GCH1: variants seen among roughly 807,000 people sequenced by gnomAD.
The protein encoded by GCH1 is GTP cyclohydrolase I.
Under a neutral mutation model 25.9 loss-of-function variants are expected in GCH1, and 5 were observed. The observed-to-expected ratio is 0.19, with a 90% confidence interval of 0.10 to 0.41. The LOEUF is 0.41. Ranked by LOEUF, GCH1 falls within the 10% of genes least tolerant of loss-of-function variation. The pLI is 1.00. For synonymous variants in GCH1, 159 were observed against 129.6 expected (o/e 1.23, Z -1.54); for missense variants, 261 against 336.5 (o/e 0.78, Z 1.75).
chr14:54,851,025 C>G (rs1353396046), intron 3 of GCH1, among the ~76,000 whole-genome samples: 1 of 152,106 alleles, frequency 6.6e-6, no homozygotes, highest in East Asian at 1.9e-4. Context: ...GGTGCTGGTA[C>G]CAAAACAGAG....
At chr14:54,888,661 C>T (rs2040384757) in intron 1 of GCH1, among the ~76,000 whole-genome samples, 1 of 150,466 alleles carries the variant, frequency 6.6e-6, no homozygotes, top group Non-Finnish European at 1.5e-5. Context: ...TACAGGCGCC[C>T]ACAACCACGC....
intron 1 of GCH1, among the ~76,000 whole-genome samples, chr14:54,887,065 C>G (rs1227430198): frequency 6.6e-6 from 1 of 152,194 alleles, no homozygotes; most frequent in Non-Finnish European, 1.5e-5. Context: ...ATTTATTTGG[C>G]TTATTTGAGG....
intron 1 of GCH1, among the ~76,000 whole-genome samples, chr14:54,896,060 G>A (rs1308923704): frequency 6.6e-6 from 1 of 152,064 alleles, no homozygotes; most frequent in African/African-American, 2.4e-5. Flanking sequence ...GGCACTGGGA[G>A]GAAAAATGGA....
intron 1 of GCH1, among the ~76,000 whole-genome samples, chr14:54,868,050 C>T (rs1474291822): frequency 6.6e-6 from 1 of 152,044 alleles, no homozygotes; most frequent in African/African-American, 2.4e-5. Flanking sequence ...GGTATTCTTC[C>T]CAAAAATCCA....
intron 3 of GCH1, among the ~76,000 whole-genome samples, chr14:54,848,060 G>A (rs1300035909): frequency 6.6e-6 from 1 of 151,580 alleles, no homozygotes; most frequent in Non-Finnish European, 1.5e-5. Context: ...TAAGCACTTA[G>A]TAAGATTAAC....
intron 1 of GCH1, among the ~76,000 whole-genome samples, chr14:54,875,806 T>C (rs375988180): frequency 1.3e-4 from 20 of 152,158 alleles, no homozygotes; most frequent in African/African-American, 4.8e-4. Context: ...GATACCATCT[T>C]ACACCAGTTA....
intron 1 of GCH1, among the ~76,000 whole-genome samples, chr14:54,867,550 T>G (rs1046538481): frequency 1.5e-5 from 2 of 135,762 alleles, no homozygotes; most frequent in African/African-American, 2.9e-5. Context: ...ATCATGTCAC[T>G]GTACTCTAGC....
At position 54,842,721 on chromosome 14, in the gene GCH1, C is replaced by A; in HGVS notation, c.*1296G>T. The A allele has an allele frequency of 3.2e-6, 1 of 317,158 alleles. No individual in the cohort carries two copies. The highest frequency in any genetic ancestry group is 5.7e-6 in the Non-Finnish European group (1 of 175,496). The allele number at this position is 317,158 out of a possible 1,614,324, so 19.6% of individuals were successfully genotyped here. A position where few individuals can be genotyped will look rare whatever the true frequency, so the allele number is the denominator to read the frequency against. On this transcript the variant is annotated 3_prime_UTR_variant, in exon 6 of 6. Transcript: ENST00000491895. ...ACTATGTCAACCAAATACTAAACTT[C>A]ATGGAATAACTGTGTTTGTGTTTCT... is the stretch of plus-strand genomic sequence containing the variant.
At chr14:54,896,282 A>G (rs1016104395) in intron 1 of GCH1, among the ~76,000 whole-genome samples, 4 of 152,140 alleles carry the variant, frequency 2.6e-5, no homozygotes, top group Admixed American at 1.3e-4. Flanking sequence ...CTAAAGAAAT[A>G]AAAGGGATTG....
At chr14:54,875,891 T>C (rs972130553) in intron 1 of GCH1, among the ~76,000 whole-genome samples, 2 of 152,230 alleles carry the variant, frequency 1.3e-5, no homozygotes, top group African/African-American at 4.8e-5. Context: ...ACTTTTACAC[T>C]GTTAGTGGGA....
intron 2 of GCH1, among the ~76,000 whole-genome samples, chr14:54,864,280 G>T (rs2039960879): frequency 6.6e-6 from 1 of 152,174 alleles, no homozygotes; most frequent in African/African-American, 2.4e-5. Context: ...AGACAAAAAT[G>T]AAGCAAATGT....
At chr14:54,861,045 T>C (rs556550363) in intron 2 of GCH1, among the ~76,000 whole-genome samples, 30 of 152,336 alleles carry the variant, frequency 2.0e-4, no homozygotes, top group South Asian at 8.3e-4. Flanking sequence ...AAAAGATTAA[T>C]AGAGTAAATG....
chr14:54,870,335 C>CAAAAAAAAAAAAAAAAAAAAAAAA (rs561453897), intron 1 of GCH1, among the ~76,000 whole-genome samples: 2 of 66,598 alleles, frequency 3.0e-5, no homozygotes, highest in African/African-American at 1.2e-4. Flanking sequence ...CTGTTTTTAC[C>CAAAAAAAAAAAAAAAAAAAAAAAA]AAAAAAAAAA....
intron 3 of GCH1, among the ~76,000 whole-genome samples, chr14:54,853,738 A>AT (rs139519431): frequency 1.1e-3 from 155 of 146,406 alleles, no homozygotes; most frequent in African/African-American, 9.9e-4. Flanking sequence ...TTTGCCTATC[A>AT]TTTTTTTTTT....
At chr14:54,892,925 A>C (rs1466838482) in intron 1 of GCH1, among the ~76,000 whole-genome samples, 1 of 151,532 alleles carries the variant, frequency 6.6e-6, no homozygotes, top group Non-Finnish European at 1.5e-5. Context: ...CTAAAAATAC[A>C]AAAATTAGCC....
At chr14:54,856,614 T>A (rs2039815480) in intron 3 of GCH1, among the ~76,000 whole-genome samples, 1 of 151,964 alleles carries the variant, frequency 6.6e-6, no homozygotes, top group African/African-American at 2.4e-5. Flanking sequence ...TACCATGCCC[T>A]GCTAATTTTG....
Position 54,902,794 on chromosome 14 carries a change from G to A in GCH1, c.-131C>T, listed in dbSNP as rs115939621. 12,578 of 1,178,736 alleles carry A rather than the reference G, an allele frequency of 0.011. 1,069 individuals are homozygous for A. The African/African-American group carries it at 0.18, about 17-fold the overall frequency. 73.0% of individuals were successfully genotyped at this position (1,178,736 alleles called of 1,614,324 possible). ...CTGAGGAAGGTACGCAACCTGCTTA[G>A]ATCACACTCCGAGCCGGGAGCGGCC... On this transcript the variant is annotated 5_prime_UTR_variant, in exon 1 of 6. Transcript: ENST00000491895.
intron 1 of GCH1, among the ~76,000 whole-genome samples, chr14:54,893,545 A>G (rs1006901950): frequency 2.6e-5 from 4 of 152,214 alleles, no homozygotes; most frequent in Admixed American, 2.0e-4. Context: ...ATTCAAATAA[A>G]TCAGTAAAAT....
intron 1 of GCH1, among the ~76,000 whole-genome samples, chr14:54,897,016 T>G (rs908678820): frequency 2.2e-5 from 3 of 139,158 alleles, no homozygotes; most frequent in Middle Eastern, 3.5e-3. Context: ...TTTTGTTTTT[T>G]TTTTTTTTTT....
Sources: allele counts gnomAD v4.1 joint callset (sites outside exome capture counted in the v4.1 genomes callset), GRCh38; gene constraint gnomAD v4.1.1; transcripts MANE v1.5; gene names NCBI Gene and HGNC (gene_info 2026-07-23, HGNC 2026-07-21).